The following APP variants were observed in gnomAD, a reference collection of about 807,000 sequenced individuals.
APP encodes the protein amyloid-beta precursor protein.
In APP, 31 loss-of-function variants were observed where a neutral mutation model predicts 101.4. That is an observed-to-expected ratio of 0.31 (90% confidence interval 0.23 to 0.41). APP has a LOEUF of 0.41. APP is among the 10% of genes least tolerant of loss of function. The probability of loss-of-function intolerance (pLI) is 1.00; values close to 1 mark genes in which losing one functional copy is unlikely to be tolerated. For missense variants in APP, 839 were observed against 1,003.7 expected (o/e 0.84, Z 2.22); for synonymous variants, 366 against 364.4 (o/e 1.00, Z -0.05).
chr21:25,954,154 C>A (rs1286207641), intron 13 of APP, among the ~76,000 whole-genome samples: 1 of 152,194 alleles, frequency 6.6e-6, no homozygotes, highest in Non-Finnish European at 1.5e-5. Flanking sequence ...GCATGTGACA[C>A]AGGCCAGTAA....
At chr21:25,918,971 A>C (rs1330626295) in intron 13 of APP, among the ~76,000 whole-genome samples, 1 of 91,378 alleles carries the variant, frequency 1.1e-5, no homozygotes, top group African/African-American at 4.4e-5. Flanking sequence ...CTGCAGACTT[A>C]AATGTCCCTG....
intron 11 of APP, among the ~76,000 whole-genome samples, chr21:25,963,939 G>A (rs1376527936): frequency 6.6e-6 from 1 of 152,170 alleles, no homozygotes; most frequent in African/African-American, 2.4e-5. Flanking sequence ...CCATGCCAAG[G>A]TGGACACAGA....
At chr21:26,148,691 G>A (rs1414434351) in intron 1 of APP, among the ~76,000 whole-genome samples, 2 of 152,136 alleles carry the variant, frequency 1.3e-5, no homozygotes, top group Non-Finnish European at 2.9e-5. Flanking sequence ...TGAACTCTAA[G>A]GATTATTCTG....
intron 13 of APP, among the ~76,000 whole-genome samples, chr21:25,936,170 A>T (rs2040356668): frequency 6.6e-6 from 1 of 152,154 alleles, no homozygotes; most frequent in Non-Finnish European, 1.5e-5. Context: ...CCCTCAAGGG[A>T]CCTTTGGAGA....
chr21:26,107,716 CTGACCCTTTG>C lies in APP; in HGVS notation c.225+4253_225+4262del, dbSNP rs570055838. Reference sequence around the variant, plus strand: ...TGAGTGCAAGTACTTAGCATAGTAGCTGACCCTTTGTGACCCTTTGTGAATGCTCAATGCT... The same window carrying C: ...TGAGTGCAAGTACTTAGCATAGTAGCTGACCCTTTGTGAATGCTCAATGCT... On this transcript the variant is annotated intron_variant, in intron 2 of 17. Transcript: ENST00000346798. 5.0e-4 allele frequency among the ~76,000 whole-genome samples: 76 copies of C among 152,314 alleles called. 2 individuals carry two copies. The South Asian group carries it at 9.5e-3, about 19-fold the overall frequency.
At chr21:26,152,283 T>TAAAAAA (rs1778206846) in intron 1 of APP, among the ~76,000 whole-genome samples, 1 of 17,100 alleles carries the variant, frequency 5.8e-5, no homozygotes, top group Non-Finnish European at 8.3e-5. Flanking sequence ...AGACTCCATC[T>TAAAAAA]CAAAAAAAAA....
At chr21:25,944,678 A>G (rs1327380281) in intron 13 of APP, among the ~76,000 whole-genome samples, 2 of 152,232 alleles carry the variant, frequency 1.3e-5, no homozygotes, top group Non-Finnish European at 2.9e-5. Context: ...ATTCATCTCC[A>G]TACTCAGGGT....
intron 2 of APP, among the ~76,000 whole-genome samples, chr21:26,111,317 AG>A (rs1432628470): frequency 3.3e-5 from 5 of 152,210 alleles, no homozygotes; most frequent in Non-Finnish European, 5.9e-5. Flanking sequence ...AAACTATAAT[AG>A]AATACAAACA....
Position 26,084,227 on chromosome 21 carries a change from A to ATTTT in APP, c.355+5712_355+5715dup, listed in dbSNP as rs869179482. Among the ~76,000 whole-genome samples, 150 of 83,062 alleles carry ATTTT rather than the reference A, an allele frequency of 1.8e-3. 18 individuals are homozygous for ATTTT. The highest frequency in any genetic ancestry group is 2.1e-3 in the African/African-American group (42 of 19,902). The allele number at this position is 83,062 out of a possible 152,430, so 54.5% of individuals were successfully genotyped here. On this transcript the variant is annotated intron_variant, in intron 3 of 17. Coordinates refer to ENST00000346798, the MANE Select transcript of APP (RefSeq NM_000484.4). ...AGGATGACCTACCTAGAAGGGCTCC[A>ATTTT]TTTTTTTTTTTTTTTTTTTTTTTTT... is the stretch of plus-strand genomic sequence containing the variant.
At chr21:25,904,659 C>T (rs181711124) in intron 15 of APP, among the ~76,000 whole-genome samples, 2 of 152,030 alleles carry the variant, frequency 1.3e-5, no homozygotes, top group Non-Finnish European at 2.9e-5. Flanking sequence ...AAGTCATCAC[C>T]TGAGAGTCTA....
chr21:25,985,971 C>A (rs746643586), intron 8 of APP, among the ~76,000 whole-genome samples: 3 of 152,186 alleles, frequency 2.0e-5, no homozygotes, highest in Non-Finnish European at 4.4e-5. Flanking sequence ...TACTACTGCT[C>A]TGCAGCTGGT....
intron 8 of APP, among the ~76,000 whole-genome samples, chr21:25,991,727 T>G (rs756514672): frequency 5.3e-5 from 8 of 152,228 alleles, no homozygotes; most frequent in Non-Finnish European, 1.0e-4. Flanking sequence ...CCTTGTCTAT[T>G]TGTTTACTTA....
chr21:26,042,486 A>G (rs1324351450), intron 5 of APP, among the ~76,000 whole-genome samples: 3 of 152,232 alleles, frequency 2.0e-5, no homozygotes, highest in Non-Finnish European at 4.4e-5. Flanking sequence ...TTTTCTGAGA[A>G]AAGTTCTCAG....
intron 5 of APP, among the ~76,000 whole-genome samples, chr21:26,037,218 G>T (rs2045156711): frequency 6.6e-6 from 1 of 152,170 alleles, no homozygotes; most frequent in African/African-American, 2.4e-5. Context: ...GCTGGGAAGG[G>T]TAGGTAGAAA....
chr21:26,149,234 A>G (rs1190188278), intron 1 of APP, among the ~76,000 whole-genome samples: 2 of 152,240 alleles, frequency 1.3e-5, no homozygotes, highest in Non-Finnish European at 2.9e-5. Context: ...TGCTGGAGGC[A>G]GAGAAGATAA....
chr21:26,158,210 T>G (rs1156860365), intron 1 of APP: 1 of 152,218 alleles, frequency 6.6e-6, no homozygotes, highest in East Asian at 1.9e-4. Context: ...TCCTACCTCC[T>G]CCTCTGTCAC....
chr21:26,140,032 T>C, intron 1 of APP: 1 of 776,702 alleles, frequency 1.3e-6, no homozygotes, highest in Non-Finnish European at 2.1e-6. Context: ...GCAAACTTCA[T>C]CCCTACTTTG....
intron 6 of APP, among the ~76,000 whole-genome samples, chr21:26,004,457 AT>A (rs72406776): frequency 0.98 from 148,821 of 151,418 alleles, 73,200 homozygotes; most frequent in Middle Eastern, 1. Context: ...ACACCGGCTA[AT>A]TTTTTTCGAT....
intron 4 of APP, among the ~76,000 whole-genome samples, chr21:26,052,991 A>G (rs932290282): frequency 2.6e-5 from 4 of 152,152 alleles, no homozygotes; most frequent in African/African-American, 9.7e-5. Flanking sequence ...AAAAATATTC[A>G]TGGATGGGGA....
Sources: allele counts gnomAD v4.1 joint callset (sites outside exome capture counted in the v4.1 genomes callset), GRCh38; gene constraint gnomAD v4.1.1; transcripts MANE v1.5; gene names NCBI Gene and HGNC (gene_info 2026-07-23, HGNC 2026-07-21).